The following ATM variants were observed in gnomAD, a reference collection of about 807,000 sequenced individuals.
ATM encodes the protein ATM serine/threonine kinase.
A neutral mutation model predicts 387.0 loss-of-function variants in ATM; 308 were observed. That is an observed-to-expected ratio of 0.80 (90% CI 0.73 to 0.87). The LOEUF (loss-of-function observed/expected upper bound fraction) is 0.87, where lower values mean the gene tolerates loss of function less well. Ranked by LOEUF, ATM falls within the 40% of genes least tolerant of loss-of-function variation. The pLI is 0.00. For missense variants in ATM, 3,312 were observed against 3,560.9 expected, an observed-to-expected ratio of 0.93 and a Z score of 1.78; for synonymous variants, 1,156 against 1,187.3, an observed-to-expected ratio of 0.97 and a Z score of 0.54.
chr11:108,227,955 T>C (rs2135017240), intron 3 of ATM, 67 bp downstream of exon 3: 1 of 1,334,888 alleles, frequency 7.5e-7, no homozygotes, highest in East Asian at 2.3e-5. Flanking sequence ...GTTGTGATAT[T>C]ACTTTTGTGT....
At chr11:108,362,562 A>G (rs1425483145) in intron 61 of ATM, among the ~76,000 whole-genome samples, 1 of 146,760 alleles carries the variant, frequency 6.8e-6, no homozygotes, top group Non-Finnish European at 1.5e-5. Flanking sequence ...ATGTCCAACA[A>G]TGATAGACTG....
intron 1 of ATM, 34 bp from the exon 2 acceptor site, chr11:108,227,561 T>C (rs2078801391): frequency 1.5e-6 from 2 of 1,310,258 alleles, no homozygotes; most frequent in African/African-American, 2.9e-5. Flanking sequence ...TATATACATA[T>C]ACATATATAT....
At chr11:108,257,349 C>A in intron 14 of ATM, 132 bp from the exon 15 acceptor site, 1 of 1,149,984 alleles carries the variant, frequency 8.7e-7, no homozygotes, top group Non-Finnish European at 1.2e-6. Context: ...CTTCTAAAAA[C>A]ATTTCATTTT....
chr11:108,282,675 T>A, intron 24 of ATM, 35 bp from the exon 25 acceptor site: 1 of 1,596,660 alleles, frequency 6.3e-7, no homozygotes, highest in Middle Eastern at 1.7e-4. Flanking sequence ...ATTTTTTTCA[T>A]TTTTCTTAAC....
rs1180514317 is a variant in ATM, at chr11:108,292,637, T to C, written c.4455T>C (p.Asp1485=). The change falls in exon 30 of 63, where the codon GAT becomes GAC. Residue 1485 remains aspartate, a synonymous_variant. Coordinates refer to ENST00000675843, the MANE Select transcript of ATM (RefSeq NM_000051.4). ...ATATTAGGCCTTCTTGTATCATGGATGTGTCATTACGTAGCTTCTCCCTTT... is the reference window on the plus strand; with the variant it reads ...ATATTAGGCCTTCTTGTATCATGGACGTGTCATTACGTAGCTTCTCCCTTT... The part of the protein sequence containing the change: ...YINQRPSCIM[D]VSLRSFSLCC... 1 of 1,614,016 alleles carries C rather than the reference T, an allele frequency of 6.2e-7. No individual in the cohort carries two copies.
intron 5 of ATM, among the ~76,000 whole-genome samples, chr11:108,243,103 A>G (rs1481642687): frequency 6.6e-6 from 1 of 152,014 alleles, no homozygotes; most frequent in Non-Finnish European, 1.5e-5. Flanking sequence ...CTCTAGACCC[A>G]GCTACTTGGG....
At chr11:108,269,694 G>C (rs1016606572) in intron 18 of ATM, among the ~76,000 whole-genome samples, 3 of 152,186 alleles carry the variant, frequency 2.0e-5, no homozygotes, top group Non-Finnish European at 2.9e-5. Flanking sequence ...CATGTCCCCA[G>C]TTCCAGCAAA....
At chr11:108,256,943 G>T (rs538549476) in intron 14 of ATM, among the ~76,000 whole-genome samples, 6 of 152,294 alleles carry the variant, frequency 3.9e-5, no homozygotes, top group African/African-American at 1.2e-4. Context: ...TTGCTTCCAA[G>T]TTTTTGCTGT....
chr11:108,314,416 T>A (rs2084435235), intron 40 of ATM, among the ~76,000 whole-genome samples: 1 of 151,862 alleles, frequency 6.6e-6, no homozygotes, highest in Admixed American at 6.6e-5. Context: ...CATGTACAGT[T>A]TTAGGTGTTG....
chr11:108,297,235 A>G, intron 32 of ATM, 52 bp from the exon 33 acceptor site: 1 of 1,449,514 alleles, frequency 6.9e-7, no homozygotes, highest in Non-Finnish European at 9.6e-7. Context: ...ATTATAAACA[A>G]AAGTGTTGTC....
rs938906051 is a variant in ATM, at chr11:108,321,525, G to T, written c.6572+105G>T. The T allele has an allele frequency of 6.6e-6, 10 of 1,523,126 alleles. No homozygotes were observed. The Admixed American group carries it at 1.7e-4, about 26-fold the overall frequency. 94.4% of individuals were successfully genotyped at this position (1,523,126 alleles called of 1,614,324 possible). On this transcript the variant is annotated intron_variant, in intron 45 of 62. Transcript: ENST00000675843. ...AGGCCGGGCACGGTGGCTCATGCCT[G>T]TAATCCTAGCACTTTAGAAGGCTGA...
chr11:108,260,142 C>G (rs530511896), intron 16 of ATM, among the ~76,000 whole-genome samples: 7 of 148,130 alleles, frequency 4.7e-5, no homozygotes, highest in Non-Finnish European at 1.0e-4. Context: ...TCAAGAGATT[C>G]TCCTGCCTCA....
At chr11:108,271,554 C>G in intron 20 of ATM, 148 bp downstream of exon 20, 1 of 1,063,756 alleles carries the variant, frequency 9.4e-7, no homozygotes. Flanking sequence ...TTGTGTTTCC[C>G]TCAGTCGCTT....
rs2136415110 is a variant in ATM, at chr11:108,329,102, G to A, written c.7171G>A (p.Ala2391Thr). Reference sequence around the variant, plus strand: ...AAAAATGAAGGCATTTCTCTCATTAGCCCGGTTTTCAGATACTCAATACCA... The same window carrying A: ...AAAAATGAAGGCATTTCTCTCATTAACCCGGTTTTCAGATACTCAATACCA... ...NGKMKAFLSL[A>T]RFSDTQYQRI... The change falls in exon 49 of 63, where the codon GCC (alanine) becomes ACC (threonine). Residue 2391 changes from alanine to threonine, a missense_variant. Physicochemically the swap from Ala to Thr is moderately conservative, Grantham distance 58 (BLOSUM62 0). This residue lies in a region of ATM where 1,405 missense variants were observed against 1,604.4 expected (regional missense o/e 0.88). Coordinates refer to ENST00000675843, the MANE Select transcript of ATM (RefSeq NM_000051.4). 1 of 1,614,118 alleles carries A rather than the reference G, an allele frequency of 6.2e-7. No homozygotes were observed. Among genetic ancestry groups the A allele is most frequent in the Non-Finnish European group, 8.5e-7 (1 of 1,180,002 alleles).
In ATM at chr11:108,357,349, G is replaced by A. The variant is rs1462480448; in HGVS notation, c.8850+2475G>A. Among the ~76,000 whole-genome samples the A allele has an allele frequency of 2.6e-5, 4 of 152,334 alleles. No homozygotes were observed. The East Asian group carries it at 7.7e-4, about 29-fold the overall frequency. On this transcript the variant is annotated intron_variant, in intron 61 of 62. Coordinates refer to ENST00000675843, the MANE Select transcript of ATM (RefSeq NM_000051.4). The stretch of plus-strand genomic sequence containing the variant: ...CAGCAGTCTGAGATCAAACTGCAAG[G>A]TGGCAGCGAGGCTGGGGGAGGGGCG...
In ATM at chr11:108,287,657, T is replaced by A. The variant is rs1591655873; in HGVS notation, c.4051T>A (p.Leu1351Ile). 6.2e-7 allele frequency: 1 copy of A among 1,613,904 alleles called. No homozygotes were observed. The highest frequency in any genetic ancestry group is 8.5e-7 in the Non-Finnish European group (1 of 1,179,948). The change falls in exon 27 of 63, where the codon TTA (leucine) becomes ATA (isoleucine). Residue 1351 changes from leucine to isoleucine, a missense_variant. Around this residue, in one of 4 missense-constraint regions of ATM, gnomAD observed 1,791 missense variants for 1,804.5 expected, o/e 0.99. Transcript: ENST00000675843. ...GATTGTGGTGGAGTTATTGATGACG[T>A]TACATGAGCCAGCAAATTCTAGTGC... ...PEIVVELLMT[L>I]HEPANSSASQ...
At position 108,302,908 on chromosome 11, in the gene ATM, T is replaced by C. The variant is rs776309355; in HGVS notation, c.5375T>C (p.Ile1792Thr). 3.7e-6 allele frequency: 6 copies of C among 1,613,356 alleles called. No individual in the cohort carries two copies. The highest frequency in any genetic ancestry group is 4.5e-5 in the East Asian group (2 of 44,826). ...KENPFEGLDD[I>T]NLWIPLSENH... The stretch of plus-strand genomic sequence containing the variant: ...AACCCTTTTGAAGGCCTGGATGATA[T>C]AAATCTGTGGATTCCTCTAAGTGAA... Residue 1792 changes from isoleucine to threonine, a missense_variant, in exon 36 of 63, where the codon ATA becomes ACA. By Grantham distance (89) the Ile-to-Thr change is moderately conservative. This residue lies in a region of ATM where 1,405 missense variants were observed against 1,604.4 expected (regional missense o/e 0.88). Transcript: ENST00000675843.
chr11:108,340,399 C>T (rs1394318664), intron 56 of ATM: 1 of 152,056 alleles, frequency 6.6e-6, no homozygotes, highest in African/African-American at 2.4e-5. Context: ...AAACCATTCT[C>T]ACAATACTGT....
chr11:108,249,574 T>A (rs2080028350), intron 9 of ATM, among the ~76,000 whole-genome samples: 1 of 152,242 alleles, frequency 6.6e-6, no homozygotes, highest in Non-Finnish European at 1.5e-5. Flanking sequence ...CACATATATT[T>A]AAGTAATCAA....
Sources: allele counts gnomAD v4.1 joint callset (sites outside exome capture counted in the v4.1 genomes callset), GRCh38; gene constraint gnomAD v4.1.1; regional missense constraint gnomAD v4.1.1; transcripts MANE v1.5; gene names NCBI Gene and HGNC (gene_info 2026-07-23, HGNC 2026-07-21).